Variants in ERICH3 observed in about 807,000 individuals in gnomAD.
ERICH3 encodes the protein glutamate rich 3.
In ERICH3, 126 loss-of-function variants were observed where a neutral mutation model predicts 131.1. The observed-to-expected ratio is 0.96, with a 90% CI of 0.83 to 1.11. The LOEUF is 1.11. Among genes scored for constraint, ERICH3 ranks in the 50% most tolerant of loss-of-function variants. The pLI, the probability that ERICH3 is intolerant of heterozygous loss-of-function variation, is 0.00. For synonymous variants in ERICH3, 695 were observed against 644.6 expected, an observed-to-expected ratio of 1.08 and a Z score of -1.18; for missense variants, 2,050 against 1,810.7, an observed-to-expected ratio of 1.13 and a Z score of -2.40.
Position 74,641,431 on chromosome 1 carries a change from T to C in ERICH3, c.344A>G (p.Asn115Ser). 1 of 1,610,938 alleles carries C rather than the reference T, an allele frequency of 6.2e-7. No individual in the cohort carries two copies. Among genetic ancestry groups the C allele is most frequent in the South Asian group, 1.1e-5 (1 of 90,422 alleles). ...GTGGGGAGACAGGATTGGCATGTTA[T>C]TTTCAACAGACCTTCTTGTGTGCTC... ...KGEHTRRSVE[N>S]NMPILSPHPP... The change falls in exon 5 of 15, where the codon AAT (asparagine) becomes AGT (serine). Residue 115 changes from asparagine (N) to serine (S), a missense_variant. Asn to Ser is a conservative substitution (Grantham distance 46, BLOSUM62 1). Transcript: ENST00000326665.
intron 8 of ERICH3, among the ~76,000 whole-genome samples, chr1:74,616,519 A>G (rs1490861582): frequency 1.3e-5 from 2 of 152,188 alleles, no homozygotes; most frequent in Non-Finnish European, 2.9e-5. Context: ...CCTTAGGCAC[A>G]GAAGAAACAC....
chr1:74,595,636 T>C (rs1487494518), intron 11 of ERICH3, among the ~76,000 whole-genome samples: 4 of 152,110 alleles, frequency 2.6e-5, no homozygotes, highest in Non-Finnish European at 5.9e-5. Context: ...ATCTATTCAA[T>C]CAGCCCTTCA....
intron 9 of ERICH3, among the ~76,000 whole-genome samples, chr1:74,610,122 G>A (rs1648613809): frequency 6.6e-6 from 1 of 151,876 alleles, no homozygotes; most frequent in African/African-American, 2.4e-5. Flanking sequence ...TCTCAAATCA[G>A]GAGACAGCAT....
At chr1:74,602,512 C>T (rs1252144661) in intron 10 of ERICH3, among the ~76,000 whole-genome samples, 1 of 151,944 alleles carries the variant, frequency 6.6e-6, no homozygotes, top group Non-Finnish European at 1.5e-5. Flanking sequence ...ACGGGGTCAA[C>T]ATCAATCTAG....
At chr1:74,616,267 G>A (rs566599169) in intron 8 of ERICH3, among the ~76,000 whole-genome samples, 9 of 152,020 alleles carry the variant, frequency 5.9e-5, no homozygotes, top group Non-Finnish European at 7.4e-5. Context: ...CAGTCTGCCC[G>A]TCTTGGCCTC....
At chr1:74,614,633 C>T (rs1173741978) in intron 8 of ERICH3, among the ~76,000 whole-genome samples, 2 of 150,144 alleles carry the variant, frequency 1.3e-5, no homozygotes, top group East Asian at 2.0e-4. Flanking sequence ...GCCGAGATCA[C>T]GCCACTGAAC....
intron 7 of ERICH3, chr1:74,621,410 C>G (rs1187988889): frequency 6.6e-6 from 1 of 152,318 alleles, no homozygotes; most frequent in Non-Finnish European, 1.5e-5. Context: ...GCACTGACAA[C>G]ACATCCTTCC....
intron 1 of ERICH3, among the ~76,000 whole-genome samples, chr1:74,667,668 A>T (rs527420923): frequency 1.6e-4 from 25 of 152,198 alleles, no homozygotes; most frequent in Admixed American, 1.3e-3. Context: ...CTCCCTAAAA[A>T]CCTAGCATGG....
Position 74,646,792 on chromosome 1 carries a change from T to G in ERICH3, c.118A>C (p.Ile40Leu). Reference protein sequence around the residue: ...IRRHLLRSGLITRSGRILSEK... With the variant: ...IRRHLLRSGLLTRSGRILSEK... The stretch of plus-strand genomic sequence containing the variant: ...GAAAGTATTCTTCCACTTCTTGTGA[T>G]CTGTCATGAATAAATAAAATATACA... The change falls in exon 3 of 15, where the codon ATC (isoleucine) becomes CTC (leucine). Residue 40 changes from isoleucine (I) to leucine (L), a missense_variant and splice_region_variant. Transcript: ENST00000326665. 6.9e-7 allele frequency: 1 copy of G among 1,452,898 alleles called. No homozygotes were observed. The highest frequency in any genetic ancestry group is 9.4e-7 in the Non-Finnish European group (1 of 1,068,440). The allele number at this position is 1,452,898 out of a possible 1,614,324, so 90.0% of individuals were successfully genotyped here. A position where few individuals can be genotyped will look rare whatever the true frequency, so the allele number is the denominator to read the frequency against.
At chr1:74,671,323 C>A (rs1646741183) in intron 1 of ERICH3, among the ~76,000 whole-genome samples, 1 of 152,052 alleles carries the variant, frequency 6.6e-6, no homozygotes, top group Non-Finnish European at 1.5e-5. Context: ...GTCCTGTTCC[C>A]TCAGAAGCAT....
intron 12 of ERICH3, among the ~76,000 whole-genome samples, chr1:74,587,500 C>T (rs1231583907): frequency 6.6e-6 from 1 of 151,952 alleles, no homozygotes. Flanking sequence ...AGCCAATACA[C>T]TTTTCATTTT....
intron 13 of ERICH3, among the ~76,000 whole-genome samples, chr1:74,576,087 T>A (rs1647048670): frequency 6.6e-6 from 1 of 152,208 alleles, no homozygotes; most frequent in African/African-American, 2.4e-5. Flanking sequence ...ACTAATTGTA[T>A]AAACTGGGAA....
intron 12 of ERICH3, chr1:74,589,316 C>A: frequency 6.4e-6 from 3 of 467,772 alleles, no homozygotes; most frequent in South Asian, 5.5e-5. Flanking sequence ...CTCTAAAAGC[C>A]ACACACATCC....
chr1:74,665,743 C>G (rs1200683707), intron 1 of ERICH3, among the ~76,000 whole-genome samples: 4 of 152,058 alleles, frequency 2.6e-5, no homozygotes, highest in African/African-American at 9.7e-5. Context: ...GGATTAGGGT[C>G]CAGATATTGG....
upstream of ERICH3, among the ~76,000 whole-genome samples, chr1:74,674,037 A>C (rs572212487): frequency 2.0e-5 from 3 of 152,308 alleles, no homozygotes; most frequent in Non-Finnish European, 4.4e-5. Context: ...GGGTAATAAG[A>C]GCAGGGAGCA....
At chr1:74,662,888 C>T (rs550651) in intron 1 of ERICH3, among the ~76,000 whole-genome samples, 28,412 of 152,076 alleles carry the variant, frequency 0.19, 2,908 homozygotes, top group South Asian at 0.3. Flanking sequence ...TGGTGGCTCA[C>T]GCCTGTAATC....
intron 1 of ERICH3, among the ~76,000 whole-genome samples, chr1:74,673,076 A>T (rs956114863): frequency 6.6e-6 from 1 of 152,174 alleles, no homozygotes; most frequent in East Asian, 1.9e-4. Context: ...CACCTCGCTT[A>T]TATGTAAGCT....
chr1:74,620,987 A>G, intron 7 of ERICH3, 73 bp from the exon 8 acceptor site: 1 of 1,208,864 alleles, frequency 8.3e-7, no homozygotes, highest in Non-Finnish European at 1.1e-6. Flanking sequence ...ACATTGTAAT[A>G]TGAAGAATAA....
chr1:74,582,907 G>A (rs1647203761), intron 12 of ERICH3, among the ~76,000 whole-genome samples: 2 of 151,648 alleles, frequency 1.3e-5, no homozygotes, highest in Non-Finnish European at 2.9e-5. Flanking sequence ...CATAGTTGCA[G>A]GGTAGCATTT....
Sources: gnomAD v4.1 joint callset for allele counts (sites outside exome capture counted in the v4.1 genomes callset) on GRCh38, gnomAD v4.1.1 for gene constraint, MANE v1.5 for transcripts, NCBI Gene and HGNC (gene_info 2026-07-23, HGNC 2026-07-21) for gene names.